The following NPSR1 variants were observed in gnomAD, a reference collection of about 807,000 sequenced individuals.
NPSR1 encodes neuropeptide S receptor.
NPSR1 carries 48 observed loss-of-function variants against 46.9 expected under a neutral mutation model. The observed-to-expected ratio is 1.02, with a 90% CI of 0.81 to 1.30. The LOEUF is 1.30. Ranked by LOEUF, NPSR1 falls within the 50% of genes most tolerant of loss-of-function variation. NPSR1 has a pLI of 0.00. For synonymous variants in NPSR1, 176 were observed against 168.1 expected (o/e 1.05, Z -0.36); for missense variants, 450 against 449.5 (o/e 1.00, Z -0.01).
In NPSR1 at chr7:34,806,808, A is replaced by C. The variant is rs540327086; in HGVS notation, c.385-4962A>C. On this transcript the variant is annotated intron_variant, in intron 3 of 8. Coordinates refer to ENST00000360581, the MANE Select transcript of NPSR1 (RefSeq NM_207172.2). ...TTTTTGTAAATATAAAATTGTTCTG[A>C]AAAATAAAGTCTATTTTCTTAAAGT... 5.3e-5 allele frequency among the ~76,000 whole-genome samples: 8 copies of C among 152,252 alleles called. 1 individual carries two copies. Among genetic ancestry groups the C allele is most frequent in the African/African-American group, 1.9e-4 (8 of 41,566 alleles).
intron 8 of NPSR1, among the ~76,000 whole-genome samples, chr7:34,856,918 GA>G (rs1264528667): frequency 5.3e-5 from 8 of 151,474 alleles, no homozygotes; most frequent in Non-Finnish European, 1.2e-4. Context: ...GATGGGGGGG[GA>G]AATCTCTTCT....
intron 3 of NPSR1, among the ~76,000 whole-genome samples, chr7:34,793,243 GAACT>G (rs1487622372): frequency 6.6e-6 from 1 of 151,856 alleles, no homozygotes; most frequent in African/African-American, 2.4e-5. Flanking sequence ...CACAGCAAAA[GAACT>G]ATCAACAGAG....
chr7:34,659,918 T>C (rs1458546), intron 1 of NPSR1, among the ~76,000 whole-genome samples: 46,059 of 151,926 alleles, frequency 0.3, 8,676 homozygotes, highest in African/African-American at 0.54. Context: ...TAGAACATGA[T>C]AGCAAGCAGA....
intron 2 of NPSR1, among the ~76,000 whole-genome samples, chr7:34,742,499 T>C (rs1326476480): frequency 6.6e-6 from 1 of 152,242 alleles, no homozygotes; most frequent in Non-Finnish European, 1.5e-5. Context: ...AGACATGATC[T>C]CATTCTTTTT....
chr7:34,682,382 G>A (rs111349523), intron 1 of NPSR1, among the ~76,000 whole-genome samples: 62 of 152,232 alleles, frequency 4.1e-4, no homozygotes, highest in Non-Finnish European at 7.4e-4. Context: ...GGGCACCATC[G>A]TCCTCCCTGA....
chr7:34,705,093 G>A (rs1794033577), intron 2 of NPSR1, among the ~76,000 whole-genome samples: 1 of 151,914 alleles, frequency 6.6e-6, no homozygotes, highest in Non-Finnish European at 1.5e-5. Context: ...TTTTTTGCCT[G>A]TTTAACGTAT....
At position 34,860,988 on chromosome 7, in the gene NPSR1, TG is replaced by T. The variant is rs1459364654; in HGVS notation, c.1025+12326del. On this transcript the variant is annotated intron_variant, in intron 8 of 8. Coordinates refer to the NPSR1 transcript ENST00000359791. ...CTCTTGGACACAAAGCTGAGCTGGA[TG>T]AGGCAGGCAAGCTAAGGGACTGTTT... 7.9e-5 allele frequency among the ~76,000 whole-genome samples: 12 copies of T among 152,020 alleles called. No homozygotes were observed. The Middle Eastern group carries it at 0.027, about 345-fold the overall frequency.
rs541860590 is a variant in NPSR1, at chr7:34,835,433, G to A, written c.757+973G>A. 1.4e-4 allele frequency among the ~76,000 whole-genome samples: 21 copies of A among 152,316 alleles called. No individual in the cohort carries two copies. In the South Asian group the frequency reaches 4.4e-3, roughly 32 times the overall value. On this transcript the variant is annotated intron_variant, in intron 6 of 8. Transcript: ENST00000360581. ...GTACCACTAAGAGCTGTGCCACCTG[G>A]CAAAGTTATCTAATCCCTGGGCTCC...
At chr7:34,708,343 G>T (rs1284513145) in intron 2 of NPSR1, among the ~76,000 whole-genome samples, 1 of 152,184 alleles carries the variant, frequency 6.6e-6, no homozygotes, top group East Asian at 1.9e-4. Context: ...GGTCATATTT[G>T]AACTAATCCA....
chr7:34,753,722 A>C (rs1339748658), intron 2 of NPSR1: 1 of 152,078 alleles, frequency 6.6e-6, no homozygotes, highest in East Asian at 1.9e-4. Flanking sequence ...GCCCCTGTCC[A>C]AAAAAACAAA....
At chr7:34,687,964 C>A (rs1793020952) in intron 2 of NPSR1, among the ~76,000 whole-genome samples, 1 of 152,144 alleles carries the variant, frequency 6.6e-6, no homozygotes, top group Non-Finnish European at 1.5e-5. Flanking sequence ...AGGCTGAAAA[C>A]CTGAGTAGAG....
chr7:34,838,506 G>A (rs942451690), intron 6 of NPSR1, among the ~76,000 whole-genome samples: 4 of 152,112 alleles, frequency 2.6e-5, no homozygotes, highest in African/African-American at 9.7e-5. Context: ...AAGCAGCTCT[G>A]GAGTTGGCAG....
rs1479397873 is a variant in NPSR1 at position 34,684,690 on chromosome 7, T to TG, written c.280+6_280+7insG. Reference sequence around the variant, plus strand: ...GACTCAGCTGGCCATCACAGGTAAGTAACTATGCAAGTGAGAGGCAGGAAG... The same window carrying TG: ...GACTCAGCTGGCCATCACAGGTAAGTGAACTATGCAAGTGAGAGGCAGGAAG... On this transcript the variant is annotated splice_region_variant and intron_variant, in intron 2 of 8. Transcript: ENST00000360581. 1 of 1,607,220 alleles carries TG rather than the reference T, an allele frequency of 6.2e-7. No homozygotes were observed. The highest frequency in any genetic ancestry group is 8.5e-7 in the Non-Finnish European group (1 of 1,176,970).
chr7:34,834,230 G>A, intron 5 of NPSR1, 154 bp from the exon 6 acceptor site: 3 of 628,308 alleles, frequency 4.8e-6, no homozygotes, highest in Non-Finnish European at 8.6e-6. Flanking sequence ...ACTTTCAGTT[G>A]CAATTCTATG....
intron 3 of NPSR1, among the ~76,000 whole-genome samples, chr7:34,791,188 TTA>T (rs527638289): frequency 0.015 from 1,121 of 76,716 alleles, 33 homozygotes; most frequent in African/African-American, 0.069. Flanking sequence ...ATTATATATG[TTA>T]TATGTTATAT....
At chr7:34,662,818 A>T (rs1791522084) in intron 1 of NPSR1, among the ~76,000 whole-genome samples, 1 of 152,256 alleles carries the variant, frequency 6.6e-6, no homozygotes, top group East Asian at 1.9e-4. Flanking sequence ...AAGGCTGAGG[A>T]TGGCACACAA....
chr7:34,856,024 G>T (rs1258145424), intron 8 of NPSR1, among the ~76,000 whole-genome samples: 1 of 152,078 alleles, frequency 6.6e-6, no homozygotes, highest in Admixed American at 6.6e-5. Flanking sequence ...AAGTTTATCT[G>T]CAAGAAAGCT....
At chr7:34,799,371 A>G (rs2128747040) in intron 3 of NPSR1, among the ~76,000 whole-genome samples, 1 of 152,258 alleles carries the variant, frequency 6.6e-6, no homozygotes, top group Non-Finnish European at 1.5e-5. Flanking sequence ...AATAAAATTG[A>G]TAAATTTCTA....
intron 2 of NPSR1, among the ~76,000 whole-genome samples, chr7:34,761,557 TA>T (rs1202611127): frequency 2.0e-5 from 3 of 152,136 alleles, no homozygotes; most frequent in Non-Finnish European, 4.4e-5. Flanking sequence ...GAGAAACAAA[TA>T]TTTTTTTGTT....
Sources: gnomAD v4.1 joint callset for allele counts (sites outside exome capture counted in the v4.1 genomes callset) on GRCh38, gnomAD v4.1.1 for gene constraint, MANE v1.5 for transcripts, NCBI Gene and HGNC (gene_info 2026-07-23, HGNC 2026-07-21) for gene names.